ROBO2: variants seen among roughly 807,000 people sequenced by gnomAD.
The protein encoded by ROBO2 is roundabout guidance receptor 2.
A neutral mutation model predicts 160.8 loss-of-function variants in ROBO2; 53 were observed. The observed-to-expected ratio is 0.33, with a 90% CI of 0.26 to 0.41. The LOEUF is 0.41. ROBO2 is among the 10% of genes least tolerant of loss of function. The probability of loss-of-function intolerance (pLI) is 1.00; values close to 1 mark genes in which losing one functional copy is unlikely to be tolerated. For missense variants in ROBO2, 1,577 were observed against 1,722.4 expected, an observed-to-expected ratio of 0.92 and a Z score of 1.49; for synonymous variants, 664 against 611.7, an observed-to-expected ratio of 1.09 and a Z score of -1.26.
chr3:77,395,507 A>G (rs1167620901), intron 2 of ROBO2, among the ~76,000 whole-genome samples: 3 of 152,150 alleles, frequency 2.0e-5, no homozygotes, highest in African/African-American at 4.8e-5. Context: ...TATTTTATTG[A>G]TAGCATTTTA....
At chr3:76,920,137 T>C in intron 2 of ROBO2, among the ~76,000 whole-genome samples, 1 of 151,984 alleles carries the variant, frequency 6.6e-6, no homozygotes, top group East Asian at 1.9e-4. Context: ...GGCTTTCCGT[T>C]ATTTTATTTT....
chr3:76,369,545 G>A (rs1020603125), intron 2 of ROBO2, among the ~76,000 whole-genome samples: 3 of 151,890 alleles, frequency 2.0e-5, no homozygotes, highest in Non-Finnish European at 2.9e-5. Context: ...AATGCCAAAT[G>A]CCAGCTATAT....
chr3:77,453,607 T>G (rs931592357), intron 2 of ROBO2, among the ~76,000 whole-genome samples: 1 of 152,136 alleles, frequency 6.6e-6, no homozygotes, highest in Non-Finnish European at 1.5e-5. Flanking sequence ...TAATAAATCC[T>G]CTGTTAGAAT....
At chr3:76,434,738 A>G in intron 2 of ROBO2, 1 of 1,104,742 alleles carries the variant, frequency 9.1e-7, no homozygotes, top group Non-Finnish European at 1.4e-6. Flanking sequence ...CTACCAGTTG[A>G]GGCTCAGATG....
At chr3:76,902,844 A>T (rs1008708171) in intron 2 of ROBO2, among the ~76,000 whole-genome samples, 1 of 151,948 alleles carries the variant, frequency 6.6e-6, no homozygotes, top group Non-Finnish European at 1.5e-5. Context: ...TTACTGTTTT[A>T]AAAAGATCTT....
intron 2 of ROBO2, among the ~76,000 whole-genome samples, chr3:76,743,428 C>A (rs1208481817): frequency 6.6e-6 from 1 of 152,058 alleles, no homozygotes; most frequent in Non-Finnish European, 1.5e-5. Flanking sequence ...CATTAACAAA[C>A]CTGTACATGT....
intron 2 of ROBO2, among the ~76,000 whole-genome samples, chr3:77,474,407 T>C (rs562408383): frequency 3.9e-4 from 59 of 152,264 alleles, no homozygotes; most frequent in African/African-American, 1.3e-3. Flanking sequence ...GGGGACGCTT[T>C]CCCTTGGCCC....
At chr3:77,228,387 A>G (rs1022905476) in intron 2 of ROBO2, among the ~76,000 whole-genome samples, 2 of 151,956 alleles carry the variant, frequency 1.3e-5, no homozygotes, top group African/African-American at 4.8e-5. Context: ...AGCTCAGAAA[A>G]CAAACAGATA....
At chr3:76,695,019 G>A (rs904035432) in intron 2 of ROBO2, among the ~76,000 whole-genome samples, 2 of 152,044 alleles carry the variant, frequency 1.3e-5, no homozygotes, top group African/African-American at 4.8e-5. Context: ...CAGGAGAATC[G>A]CTTGAATTCG....
At chr3:76,232,366 C>T (rs1018148172) in intron 2 of ROBO2, among the ~76,000 whole-genome samples, 9 of 152,152 alleles carry the variant, frequency 5.9e-5, no homozygotes, top group Admixed American at 3.3e-4. Flanking sequence ...CATGGAGACA[C>T]GGTCAATACA....
At chr3:76,749,877 A>G (rs1257260209) in intron 2 of ROBO2, among the ~76,000 whole-genome samples, 1 of 152,080 alleles carries the variant, frequency 6.6e-6, no homozygotes, top group Non-Finnish European at 1.5e-5. Context: ...TGCAAAGAGG[A>G]GCTGGTACCA....
chr3:77,099,960 T>C (rs1237704996), intron 2 of ROBO2, among the ~76,000 whole-genome samples: 2 of 152,066 alleles, frequency 1.3e-5, no homozygotes, highest in Non-Finnish European at 2.9e-5. Flanking sequence ...ATTAAGAAAT[T>C]TTAATTTTTC....
chr3:76,844,412 T>A (rs1235399781), intron 2 of ROBO2, among the ~76,000 whole-genome samples: 1 of 151,938 alleles, frequency 6.6e-6, no homozygotes, highest in Admixed American at 6.6e-5. Flanking sequence ...ATTAAACTAC[T>A]TCATCAGGAG....
intron 2 of ROBO2, among the ~76,000 whole-genome samples, chr3:76,682,618 G>A (rs907486491): frequency 1.1e-4 from 16 of 152,056 alleles, no homozygotes; most frequent in African/African-American, 3.4e-4. Flanking sequence ...ATCTTGGCCA[G>A]GCTGGTCTTG....
At chr3:75,975,560 A>C (rs947480520) in intron 2 of ROBO2, among the ~76,000 whole-genome samples, 2 of 151,024 alleles carry the variant, frequency 1.3e-5, no homozygotes, top group Non-Finnish European at 3.0e-5. Flanking sequence ...TTTTTTTCCC[A>C]TTATTTGGCT....
At chr3:77,304,789 G>A (rs932097358) in intron 2 of ROBO2, among the ~76,000 whole-genome samples, 1 of 152,148 alleles carries the variant, frequency 6.6e-6, no homozygotes, top group African/African-American at 2.4e-5. Context: ...CAGCATGAGA[G>A]ATACAGTGTG....
At chr3:76,963,353 A>T (rs1197063365) in intron 2 of ROBO2, among the ~76,000 whole-genome samples, 1 of 152,148 alleles carries the variant, frequency 6.6e-6, no homozygotes, top group Admixed American at 6.5e-5. Context: ...AATAATACAG[A>T]AATAATTTTA....
At position 76,242,314 on chromosome 3, in the gene ROBO2, A is replaced by G. The variant is rs140364997; in HGVS notation, c.109+304712A>G. Among the ~76,000 whole-genome samples, 158 of 152,318 alleles carry G rather than the reference A, an allele frequency of 1.0e-3. 1 individual carries two copies. The East Asian group carries it at 0.011, about 10-fold the overall frequency. On this transcript the variant is annotated intron_variant, in intron 2 of 26. Transcript: ENST00000487694. ...CCTTGACCAAATGCGACTAGGAGGC[A>G]TAGAGCTCTCCTTCACCCTATGGAG...
intron 2 of ROBO2, among the ~76,000 whole-genome samples, chr3:76,352,633 C>T (rs1453902052): frequency 1.3e-5 from 2 of 151,816 alleles, no homozygotes; most frequent in Non-Finnish European, 2.9e-5. Context: ...AAAATGGTCC[C>T]GAAAACTTGG....
Sources: gnomAD v4.1 joint callset for allele counts (sites outside exome capture counted in the v4.1 genomes callset) on GRCh38, gnomAD v4.1.1 for gene constraint, MANE v1.5 for transcripts, NCBI Gene and HGNC (gene_info 2026-07-23, HGNC 2026-07-21) for gene names.